The following DLG1 variants were observed in gnomAD, a reference collection of about 807,000 sequenced individuals.
The protein encoded by DLG1 is disks large homolog 1.
Under a neutral mutation model 123.4 loss-of-function variants are expected in DLG1, and 42 were observed. That is an observed-to-expected ratio of 0.34 (90% CI 0.27 to 0.44). DLG1 has a LOEUF of 0.44. Ranked by LOEUF, DLG1 falls within the 20% of genes least tolerant of loss-of-function variation. DLG1 has a pLI of 1.00. For missense variants in DLG1, 942 were observed against 1,082.6 expected, an observed-to-expected ratio of 0.87 and a Z score of 1.82; for synonymous variants, 317 against 356.2, an observed-to-expected ratio of 0.89 and a Z score of 1.24.
chr3:197,195,353 A>T (rs541477570), intron 4 of DLG1, among the ~76,000 whole-genome samples: 2 of 152,106 alleles, frequency 1.3e-5, no homozygotes, highest in Non-Finnish European at 2.9e-5. Context: ...ATGGGTCAGT[A>T]CCCAGCAATC....
intron 3 of DLG1, among the ~76,000 whole-genome samples, chr3:197,291,385 T>A (rs1407251585): frequency 6.6e-6 from 1 of 151,016 alleles, no homozygotes; most frequent in Admixed American, 6.6e-5. Flanking sequence ...ACTAATATAA[T>A]GCAAAAGAAA....
At position 197,253,609 on chromosome 3, in the gene DLG1, A is replaced by G. The variant is rs557575726; in HGVS notation, c.318+29070T>C. Reference sequence around the variant, plus strand: ...GCCAATCCTGAAAGTTTATATATTTATTATTCCATTCATATAGAATTGCTG... The same window carrying G: ...GCCAATCCTGAAAGTTTATATATTTGTTATTCCATTCATATAGAATTGCTG... On this transcript the variant is annotated intron_variant, in intron 4 of 24. Transcript: ENST00000667157. 1.8e-3 allele frequency among the ~76,000 whole-genome samples: 276 copies of G among 152,340 alleles called. 2 individuals carry two copies. Among genetic ancestry groups the G allele is most frequent in the African/African-American group, 6.2e-3 (258 of 41,582 alleles).
At position 197,205,601 on chromosome 3, in the gene DLG1, T is replaced by C. The variant is rs186026338; in HGVS notation, c.319-11012A>G. 4.2e-3 allele frequency among the ~76,000 whole-genome samples: 638 copies of C among 152,264 alleles called. 1 individual carries two copies. The highest frequency in any genetic ancestry group is 0.021 in the South Asian group (102 of 4,814). ...ATGAAAAACAACCACTATCACCTCT[T>C]GGAGTAAAACAGTACAACTGGACAG... On this transcript the variant is annotated intron_variant, in intron 4 of 24. Coordinates refer to ENST00000667157, the MANE Select transcript of DLG1 (RefSeq NM_001366207.1).
At chr3:197,247,998 T>TTGACTC (rs1216692867) in intron 4 of DLG1, among the ~76,000 whole-genome samples, 2 of 152,058 alleles carry the variant, frequency 1.3e-5, no homozygotes, top group Non-Finnish European at 2.9e-5. Context: ...GCCTTTGACT[T>TTGACTC]TGACTCCTTT....
chr3:197,104,189 G>T (rs1268294845), intron 14 of DLG1, among the ~76,000 whole-genome samples: 3 of 152,016 alleles, frequency 2.0e-5, no homozygotes, highest in Non-Finnish European at 4.4e-5. Context: ...AAAAATCTGG[G>T]TGACCTAATT....
intron 4 of DLG1, among the ~76,000 whole-genome samples, chr3:197,197,069 C>T (rs1369116293): frequency 6.6e-6 from 1 of 151,948 alleles, no homozygotes; most frequent in Admixed American, 6.6e-5. Flanking sequence ...TTATAAGTTC[C>T]CTCTTGATCC....
At chr3:197,292,110 T>C (rs1258904870) in intron 3 of DLG1, among the ~76,000 whole-genome samples, 1 of 152,190 alleles carries the variant, frequency 6.6e-6, no homozygotes, top group Non-Finnish European at 1.5e-5. Flanking sequence ...CACAATCCTA[T>C]TTCTGGGTAA....
intron 5 of DLG1, among the ~76,000 whole-genome samples, chr3:197,154,992 G>T (rs1795730775): frequency 6.6e-6 from 1 of 152,114 alleles, no homozygotes; most frequent in Admixed American, 6.5e-5. Flanking sequence ...CATGAGAAAT[G>T]ACAGATAAAA....
chr3:197,053,976 T>C (rs1314045920), intron 23 of DLG1, among the ~76,000 whole-genome samples: 3 of 150,636 alleles, frequency 2.0e-5, no homozygotes, highest in African/African-American at 7.3e-5. Context: ...TCTGTAGCCC[T>C]AGCTGCTTGG....
At chr3:197,250,555 T>A (rs1449829362) in intron 4 of DLG1, among the ~76,000 whole-genome samples, 2 of 126,822 alleles carry the variant, frequency 1.6e-5, no homozygotes, top group Admixed American at 1.6e-4. Flanking sequence ...GGCGACAGAG[T>A]GAGACTCCGT....
intron 22 of DLG1, 50 bp from the exon 23 acceptor site, chr3:197,060,048 A>G (rs1734690029): frequency 7.5e-7 from 1 of 1,331,244 alleles, no homozygotes; most frequent in Non-Finnish European, 1.1e-6. Context: ...AATATTCTCA[A>G]TAATATCAAA....
chr3:197,161,758 AAAAATCAGGAAAAACACC>A (rs772259063), intron 5 of DLG1: 1 of 1,447,990 alleles, frequency 6.9e-7, no homozygotes, highest in South Asian at 1.3e-5. Context: ...ATCAATGACA[AAAAATCAGGAAAAACACC>A]AAAATAAAAG....
At chr3:197,258,837 G>C (rs1008083981) in intron 4 of DLG1, among the ~76,000 whole-genome samples, 4 of 152,094 alleles carry the variant, frequency 2.6e-5, no homozygotes, top group African/African-American at 9.7e-5. Flanking sequence ...TTTTAATTTA[G>C]TTTTTTCAAA....
chr3:197,049,724 C>A (rs140016973), intron 24 of DLG1, among the ~76,000 whole-genome samples: 1 of 152,130 alleles, frequency 6.6e-6, no homozygotes, highest in East Asian at 1.9e-4. Context: ...CCAGCCTGGG[C>A]AGCAAGAGCA....
chr3:197,115,622 T>TA (rs1772829480), intron 13 of DLG1, among the ~76,000 whole-genome samples: 1 of 152,148 alleles, frequency 6.6e-6, no homozygotes, highest in Admixed American at 6.5e-5. Context: ...GGTAACAGAT[T>TA]AAAGTATAAA....
chr3:197,093,409 G>T (rs1198138307), intron 14 of DLG1, among the ~76,000 whole-genome samples: 1 of 151,974 alleles, frequency 6.6e-6, no homozygotes, highest in Non-Finnish European at 1.5e-5. Flanking sequence ...CGCCTGCCTC[G>T]GCCTCCCAAA....
chr3:197,273,276 C>G (rs1164708713), intron 4 of DLG1, among the ~76,000 whole-genome samples: 2 of 150,050 alleles, frequency 1.3e-5, no homozygotes, highest in East Asian at 2.0e-4. Context: ...GAGACAGTGT[C>G]TTGCTCTGCC....
At chr3:197,048,043 T>C (rs1390007433) in intron 24 of DLG1, among the ~76,000 whole-genome samples, 2 of 152,136 alleles carry the variant, frequency 1.3e-5, no homozygotes, top group African/African-American at 4.8e-5. Flanking sequence ...AGAAAATCAT[T>C]AGCAAAATAC....
At position 197,136,692 on chromosome 3, in the gene DLG1, A is replaced by G. The variant is rs1232083428; in HGVS notation, c.884-14T>C. On this transcript the variant is annotated splice_polypyrimidine_tract_variant and intron_variant, in intron 9 of 24. Coordinates refer to ENST00000667157, the MANE Select transcript of DLG1 (RefSeq NM_001366207.1). Reference sequence around the variant, plus strand: ...TAAACCCAAGACCTGTTTGGAAAACAGTTCTAGATTCTCATCCATAAATAT... The same window carrying G: ...TAAACCCAAGACCTGTTTGGAAAACGGTTCTAGATTCTCATCCATAAATAT... 6.3e-7 allele frequency: 1 copy of G among 1,592,306 alleles called. No homozygotes were observed. The highest frequency in any genetic ancestry group is 1.4e-5 in the African/African-American group (1 of 74,072).
Sources: gnomAD v4.1 joint callset for allele counts (sites outside exome capture counted in the v4.1 genomes callset) on GRCh38, gnomAD v4.1.1 for gene constraint, MANE v1.5 for transcripts, NCBI Gene and HGNC (gene_info 2026-07-23, HGNC 2026-07-21) for gene names.